Variants in COL4A4 observed in about 807,000 individuals in gnomAD.
COL4A4 encodes the protein collagen alpha-4(IV) chain.
In COL4A4, 105 loss-of-function variants were observed where a neutral mutation model predicts 192.9. The observed-to-expected ratio is 0.54, with a 90% CI of 0.46 to 0.64. The LOEUF (loss-of-function observed/expected upper bound fraction) is 0.64, where lower values mean the gene tolerates loss of function less well. COL4A4 is among the 30% of genes least tolerant of loss of function. The pLI is 0.00. For synonymous variants in COL4A4, 762 were observed against 769.9 expected (o/e 0.99, Z 0.17); for missense variants, 1,967 against 2,169.3 (o/e 0.91, Z 1.85).
In COL4A4 at chr2:227,010,406, C is replaced by T. The variant is rs1367906290; in HGVS notation, c.4429G>A (p.Glu1477Lys). 3 of 1,614,102 alleles carry T rather than the reference C, an allele frequency of 1.9e-6. No homozygotes were observed. Among genetic ancestry groups the T allele is most frequent in the East Asian group, 2.2e-5 (1 of 44,892 alleles). ...GGCATGCCCAGGGGGCAGGTGGGCT[C>T]CTGGTCCGTCTGACTGTGGAGAACC... ...LLVLHSQTDQ[E>K]PTCPLGMPRL... The change falls in exon 46 of 48, where the codon GAG (glutamate) becomes AAG (lysine). Residue 1477 changes from glutamate (E) to lysine (K), a missense_variant. Glu to Lys is a moderately conservative substitution (Grantham distance 56, BLOSUM62 1). Transcript: ENST00000396625.
chr2:227,016,814 C>T (rs920017992), intron 44 of COL4A4, among the ~76,000 whole-genome samples: 2 of 152,112 alleles, frequency 1.3e-5, no homozygotes, highest in Admixed American at 6.6e-5. Flanking sequence ...GGATTAGAAA[C>T]GAATTATTTC....
chr2:227,107,839 G>C (rs6720486), intron 12 of COL4A4, among the ~76,000 whole-genome samples: 114,710 of 148,798 alleles, frequency 0.77, 45,131 homozygotes, highest in African/African-American at 0.95. Flanking sequence ...CTCACTGCAA[G>C]CTCCACCTCC....
intron 12 of COL4A4, among the ~76,000 whole-genome samples, chr2:227,104,875 A>G (rs961724890): frequency 4.6e-4 from 69 of 151,566 alleles, no homozygotes; most frequent in Admixed American, 2.0e-3. Flanking sequence ...TCCGGACCTC[A>G]GGTGATCCGC....
Position 227,108,567 on chromosome 2 carries a change from G to T in COL4A4, c.735+14C>A. The T allele has an allele frequency of 6.2e-7, 1 of 1,613,228 alleles. No individual in the cohort carries two copies. The highest frequency in any genetic ancestry group is 8.5e-7 in the Non-Finnish European group (1 of 1,179,192). ...CGTCACCATCTGCTCCTCAGAGCAA[G>T]AGGGAATTCTTACCGGGTCTCCCAT... On this transcript the variant is annotated intron_variant, in intron 12 of 47. Transcript: ENST00000396625.
At chr2:227,138,614 CAG>C (rs1403178345) in intron 4 of COL4A4, among the ~76,000 whole-genome samples, 2 of 144,752 alleles carry the variant, frequency 1.4e-5, no homozygotes, top group Non-Finnish European at 3.0e-5. Context: ...GCCTGGGTGA[CAG>C]AGCGAGACTC....
intron 41 of COL4A4, among the ~76,000 whole-genome samples, chr2:227,028,478 T>C (rs1162795456): frequency 6.6e-6 from 1 of 152,076 alleles, no homozygotes; most frequent in Non-Finnish European, 1.5e-5. Flanking sequence ...TTTTTAGAGA[T>C]AAGACCCAGT....
At chr2:227,072,599 A>G (rs1310571328) in intron 25 of COL4A4, among the ~76,000 whole-genome samples, 1 of 151,990 alleles carries the variant, frequency 6.6e-6, no homozygotes, top group African/African-American at 2.4e-5. Context: ...AGATACACAC[A>G]CACACACACA....
chr2:226,983,333 G>C, the COL4A4 span, among the ~76,000 whole-genome samples: 1 of 152,172 alleles, frequency 6.6e-6, no homozygotes, highest in Non-Finnish European at 1.5e-5. Context: ...GAAGCATGCT[G>C]TGTTTTCTGC....
intron 4 of COL4A4, among the ~76,000 whole-genome samples, chr2:227,122,685 A>C (rs921996777): frequency 2.6e-5 from 4 of 152,174 alleles, no homozygotes; most frequent in Non-Finnish European, 5.9e-5. Context: ...GCCACCCTCC[A>C]AAACCAGGGC....
At chr2:226,999,574 T>G (rs1014243822), downstream of COL4A4, among the ~76,000 whole-genome samples, 2 of 152,216 alleles carry the variant, frequency 1.3e-5, no homozygotes, top group Non-Finnish European at 2.9e-5. Flanking sequence ...GAGAGAATGA[T>G]CTTAACATCT....
chr2:227,060,023 G>T (rs1312455160), intron 27 of COL4A4, 113 bp downstream of exon 27: 4 of 729,006 alleles, frequency 5.5e-6, no homozygotes, highest in African/African-American at 3.7e-5. Flanking sequence ...ATTATCTAGG[G>T]ATCCCTGGAC....
the COL4A4 span, among the ~76,000 whole-genome samples, chr2:226,970,424 A>G: frequency 6.6e-6 from 1 of 152,198 alleles, no homozygotes; most frequent in Non-Finnish European, 1.5e-5. Context: ...TTGTCTCATG[A>G]TATGAGTCTC....
intron 35 of COL4A4, among the ~76,000 whole-genome samples, chr2:227,043,753 C>T (rs114265452): frequency 6.6e-6 from 1 of 152,086 alleles, no homozygotes. Flanking sequence ...TACATCACAC[C>T]GTAGTGTAAT....
At chr2:227,112,217 A>C (rs1190945127) in intron 8 of COL4A4, among the ~76,000 whole-genome samples, 5 of 152,146 alleles carry the variant, frequency 3.3e-5, no homozygotes, top group Admixed American at 2.6e-4. Context: ...CTCTTGAATG[A>C]AGCCTCTTTT....
intron 36 of COL4A4, 58 bp downstream of exon 36, chr2:227,043,019 T>C (rs1971773989): frequency 3.1e-6 from 4 of 1,278,318 alleles, no homozygotes; most frequent in Non-Finnish European, 4.5e-6. Context: ...TGGTGGTTTC[T>C]GAAACACTCT....
At chr2:226,968,255 G>A in the COL4A4 span, among the ~76,000 whole-genome samples, 4 of 152,286 alleles carry the variant, frequency 2.6e-5, no homozygotes, top group East Asian at 7.7e-4. Flanking sequence ...GACAAAACCA[G>A]TGGAGACATA....
chr2:227,000,994 CCT>C (rs1397103868), downstream of COL4A4, among the ~76,000 whole-genome samples: 3 of 152,142 alleles, frequency 2.0e-5, no homozygotes, highest in Non-Finnish European at 4.4e-5. Context: ...GTCCAATAAA[CCT>C]CTTTCTTTTG....
At chr2:226,993,823 G>A in the COL4A4 span, among the ~76,000 whole-genome samples, 7 of 152,220 alleles carry the variant, frequency 4.6e-5, no homozygotes, top group African/African-American at 1.2e-4. Context: ...GACGGACTCC[G>A]TTTCCCACTG....
intron 20 of COL4A4, among the ~76,000 whole-genome samples, chr2:227,093,911 A>G (rs2060071130): frequency 6.6e-6 from 1 of 152,216 alleles, no homozygotes. Flanking sequence ...ACCAAGTTCT[A>G]TCATTTACAC....
Sources: gnomAD v4.1 joint callset for allele counts (sites outside exome capture counted in the v4.1 genomes callset) on GRCh38, gnomAD v4.1.1 for gene constraint, MANE v1.5 for transcripts, NCBI Gene and HGNC (gene_info 2026-07-23, HGNC 2026-07-21) for gene names.